The following MAF variants were observed in gnomAD, a reference collection of about 807,000 sequenced individuals.
The protein encoded by MAF is MAF bZIP transcription factor.
Under a neutral mutation model 22.0 loss-of-function variants are expected in MAF, and 10 were observed. The ratio of observed to expected loss-of-function variants is 0.45; its 90% confidence interval spans 0.28 to 0.77. The LOEUF (loss-of-function observed/expected upper bound fraction) is 0.77. MAF is among the 30% of genes least tolerant of loss of function. MAF has a pLI of 0.12. For synonymous variants in MAF, 337 were observed against 255.8 expected, an observed-to-expected ratio of 1.32 and a Z score of -3.03; for missense variants, 544 against 548.4, an observed-to-expected ratio of 0.99 and a Z score of 0.08.
At chr16:79,210,016 C>T in the MAF span, among the ~76,000 whole-genome samples, 1 of 152,178 alleles carries the variant, frequency 6.6e-6, no homozygotes, top group African/African-American at 2.4e-5. Flanking sequence ...AGGTAACAAA[C>T]CAGCTACTAT....
the MAF span, among the ~76,000 whole-genome samples, chr16:79,298,678 G>A: frequency 1.3e-5 from 2 of 152,324 alleles, no homozygotes; most frequent in Middle Eastern, 3.4e-3. Flanking sequence ...AAGTGCCAAG[G>A]TCATGAGGTG....
the MAF span, among the ~76,000 whole-genome samples, chr16:79,308,845 T>C: frequency 2.6e-5 from 4 of 152,130 alleles, no homozygotes; most frequent in East Asian, 5.8e-4. Context: ...CTCTCCATGG[T>C]CCACGCTCCT....
chr16:79,253,189 G>A, the MAF span, among the ~76,000 whole-genome samples: 1 of 152,152 alleles, frequency 6.6e-6, no homozygotes, highest in Non-Finnish European at 1.5e-5. Flanking sequence ...AGGATGCTTA[G>A]AACTTGGATC....
rs1419435041 is a variant in MAF, at chr16:79,594,237, C to G, written c.*223G>C. On this transcript the variant is annotated 3_prime_UTR_variant, in exon 2 of 2. Transcript: ENST00000326043. ...AAAGCAATGCACCTGTTTACTTGCACACACCATAAATCGAAAAGCAGGAGT... is the reference window on the plus strand; with the variant it reads ...AAAGCAATGCACCTGTTTACTTGCAGACACCATAAATCGAAAAGCAGGAGT... The G allele has an allele frequency of 1.9e-6, 1 of 538,092 alleles. No homozygotes were observed. Among genetic ancestry groups the G allele is most frequent in the East Asian group, 3.1e-5 (1 of 32,028 alleles). 33.3% of individuals were successfully genotyped at this position (538,092 alleles called of 1,614,324 possible). A position where few individuals can be genotyped will look rare whatever the true frequency, so the allele number is the denominator to read the frequency against.
the MAF span, among the ~76,000 whole-genome samples, chr16:79,246,547 G>A: frequency 1.5e-5 from 2 of 132,398 alleles, no homozygotes; most frequent in East Asian, 2.2e-4. Flanking sequence ...TTTTGGGGGG[G>A]GTGTGGGGGT....
chr16:79,398,528 G>T, the MAF span, among the ~76,000 whole-genome samples: 9 of 152,078 alleles, frequency 5.9e-5, no homozygotes, highest in African/African-American at 1.9e-4. Flanking sequence ...TTGCCTTCCA[G>T]GACTCATGGA....
chr16:79,213,552 G>A, the MAF span, among the ~76,000 whole-genome samples: 1 of 152,222 alleles, frequency 6.6e-6, no homozygotes, highest in Non-Finnish European at 1.5e-5. Context: ...GGCCAATTTG[G>A]AAAGTGCTTT....
At chr16:79,212,389 G>A in the MAF span, 1 of 469,568 alleles carries the variant, frequency 2.1e-6, no homozygotes, top group Non-Finnish European at 3.7e-6. Context: ...CTACCAGGTG[G>A]CAAAGTACTT....
the MAF span, chr16:79,203,727 CTGTT>C: frequency 2.0e-5 from 3 of 152,122 alleles, no homozygotes; most frequent in African/African-American, 7.2e-5. Flanking sequence ...AAGGGAGAAG[CTGTT>C]TGTTTTACCT....
chr16:79,307,859 A>G, the MAF span, among the ~76,000 whole-genome samples: 11,927 of 152,250 alleles, frequency 0.078, 1,236 homozygotes, highest in East Asian at 0.42. Flanking sequence ...ACTGAATTTT[A>G]TAGAAAGCTA....
At chr16:79,307,103 C>T in the MAF span, among the ~76,000 whole-genome samples, 1 of 152,188 alleles carries the variant, frequency 6.6e-6, no homozygotes, top group African/African-American at 2.4e-5. Flanking sequence ...TTTTTCCACT[C>T]AAGAAACAGG....
At position 79,599,229 on chromosome 16, in the gene MAF, C is replaced by G. The variant is rs1422755371; in HGVS notation, c.674G>C (p.Gly225Ala). Reference sequence around the variant, plus strand: ...GCCGCCGCCGCCGCCGCCGCCGCCCCCAGCGCTGGCCGGGCCACCGCCGCC... The same window carrying G: ...GCCGCCGCCGCCGCCGCCGCCGCCCGCAGCGCTGGCCGGGCCACCGCCGCC... Reference protein sequence around the residue: ...GAGGGGPASAGGGGGGGGGGG... With the variant: ...GAGGGGPASAAGGGGGGGGGG... Residue 225 changes from glycine (G) to alanine (A), a missense_variant, in exon 1 of 2, where the codon GGG (glycine) becomes GCG (alanine). By Grantham distance (60) the Gly-to-Ala change is moderately conservative. Coordinates refer to ENST00000326043, the MANE Select transcript of MAF (RefSeq NM_005360.5). 1 of 978,572 alleles carries G rather than the reference C, an allele frequency of 1.0e-6. No homozygotes were observed. Among genetic ancestry groups the G allele is most frequent in the Non-Finnish European group, 1.2e-6 (1 of 827,214 alleles). The allele number at this position is 978,572 out of a possible 1,614,324, so 60.6% of individuals were successfully genotyped here. A position where few individuals can be genotyped will look rare whatever the true frequency, so the allele number is the denominator to read the frequency against.
the MAF span, among the ~76,000 whole-genome samples, chr16:79,447,242 T>C: frequency 6.6e-6 from 1 of 150,680 alleles, no homozygotes; most frequent in Non-Finnish European, 1.5e-5. Flanking sequence ...CTAGGTGCTG[T>C]AAGTGGAGAA....
chr16:79,338,686 G>C, the MAF span, among the ~76,000 whole-genome samples: 4 of 152,196 alleles, frequency 2.6e-5, no homozygotes, highest in East Asian at 7.7e-4. Flanking sequence ...AGGGAGAAAA[G>C]AGGGAGAGAG....
chr16:79,498,623 C>T, the MAF span, among the ~76,000 whole-genome samples: 4 of 152,196 alleles, frequency 2.6e-5, no homozygotes, highest in Non-Finnish European at 4.4e-5. Context: ...ATTAGTACGC[C>T]CATTATGCAT....
chr16:79,545,761 G>A, the MAF span, among the ~76,000 whole-genome samples: 2 of 152,232 alleles, frequency 1.3e-5, no homozygotes, highest in South Asian at 4.1e-4. Flanking sequence ...GGGAGTGGGG[G>A]AGATGTTTTT....
the MAF span, among the ~76,000 whole-genome samples, chr16:79,543,772 C>T: frequency 6.6e-6 from 1 of 151,586 alleles, no homozygotes; most frequent in African/African-American, 2.4e-5. Context: ...CTGCAAGCTC[C>T]GCCTCCGGGG....
At chr16:79,333,486 T>A in the MAF span, among the ~76,000 whole-genome samples, 1 of 152,124 alleles carries the variant, frequency 6.6e-6, no homozygotes, top group African/African-American at 2.4e-5. Flanking sequence ...GAGGTGCCCA[T>A]AGGATGTGCC....
the MAF span, among the ~76,000 whole-genome samples, chr16:79,546,575 G>A: frequency 2.6e-5 from 4 of 152,100 alleles, no homozygotes; most frequent in African/African-American, 9.7e-5. Context: ...AAAATAAGTT[G>A]GCTTACATCA....
Sources: allele counts gnomAD v4.1 joint callset (sites outside exome capture counted in the v4.1 genomes callset), GRCh38; gene constraint gnomAD v4.1.1; transcripts MANE v1.5; gene names NCBI Gene and HGNC (gene_info 2026-07-23, HGNC 2026-07-21).